Variants in PRUNE2 observed in about 807,000 individuals in gnomAD.
PRUNE2 encodes the protein protein prune homolog 2.
In PRUNE2, 164 loss-of-function variants were observed where a neutral mutation model predicts 252.0. The observed-to-expected ratio is 0.65, with a 90% CI of 0.57 to 0.74. PRUNE2 has a LOEUF of 0.74. Among genes scored for constraint, PRUNE2 ranks in the 30% least tolerant of loss-of-function variants. The probability of loss-of-function intolerance (pLI) is 0.00; values close to 1 mark genes in which losing one functional copy is unlikely to be tolerated. For synonymous variants in PRUNE2, 1,292 were observed against 1,350.2 expected, an observed-to-expected ratio of 0.96 and a Z score of 0.94; for missense variants, 3,495 against 3,711.0, an observed-to-expected ratio of 0.94 and a Z score of 1.51.
chr9:76,776,511 CTTTTTTCTTTTTTTTTTT>C (rs933511872), intron 6 of PRUNE2, among the ~76,000 whole-genome samples: 2 of 134,872 alleles, frequency 1.5e-5, no homozygotes, highest in African/African-American at 5.5e-5. Flanking sequence ...TTTTTTTTTT[CTTTTTTCTTTTTTTTTTT>C]TTTTTGAGAT....
In PRUNE2 at chr9:76,767,366, G is replaced by A. The variant is rs546264835; in HGVS notation, c.757-53645C>T. Among the ~76,000 whole-genome samples, 16 of 152,034 alleles carry A rather than the reference G, an allele frequency of 1.1e-4. No individual in the cohort carries two copies. In the East Asian group the frequency reaches 1.9e-3, roughly 18 times the overall value. On this transcript the variant is annotated intron_variant, in intron 6 of 18. Coordinates refer to ENST00000376718, the MANE Select transcript of PRUNE2 (RefSeq NM_015225.3). ...CTCGAGAGGCCGAGGCAGGAGAATA[G>A]CTTGAACTCGGGAGGCAGAGGTTGC...
chr9:76,810,116 G>A (rs976139068), intron 6 of PRUNE2, among the ~76,000 whole-genome samples: 1 of 152,232 alleles, frequency 6.6e-6, no homozygotes, highest in Admixed American at 6.5e-5. Flanking sequence ...CGCATTTGCA[G>A]AGAAACTGAA....
At chr9:76,803,444 T>G (rs1417701610) in intron 6 of PRUNE2, among the ~76,000 whole-genome samples, 1 of 152,214 alleles carries the variant, frequency 6.6e-6, no homozygotes, top group Non-Finnish European at 1.5e-5. Context: ...TTGGGGCTAA[T>G]TCTTGCCCTG....
At chr9:76,629,146 A>T (rs775914663) in intron 16 of PRUNE2, 46 bp downstream of exon 16, 5 of 1,239,136 alleles carry the variant, frequency 4.0e-6, no homozygotes, top group Non-Finnish European at 4.6e-6. Context: ...CCCAGCCTCA[A>T]ACTAGTACTA....
intron 4 of PRUNE2, among the ~76,000 whole-genome samples, chr9:76,837,880 T>C (rs1224757767): frequency 6.6e-6 from 1 of 151,344 alleles, no homozygotes. Flanking sequence ...CACGCCATTC[T>C]CCTGCCTCAG....
At chr9:76,833,755 A>C (rs947126324) in intron 4 of PRUNE2, among the ~76,000 whole-genome samples, 1 of 150,926 alleles carries the variant, frequency 6.6e-6, no homozygotes, top group Non-Finnish European at 1.5e-5. Context: ...ACAGAGCAAG[A>C]CTCCATAAAA....
At chr9:76,750,032 T>G (rs1245513082) in intron 6 of PRUNE2, among the ~76,000 whole-genome samples, 1 of 152,108 alleles carries the variant, frequency 6.6e-6, no homozygotes, top group African/African-American at 2.4e-5. Context: ...GCTTCCGTGT[T>G]GAAGAACACA....
intron 6 of PRUNE2, chr9:76,737,676 T>C (rs2049198203): frequency 6.6e-6 from 1 of 152,250 alleles, no homozygotes; most frequent in African/African-American, 2.4e-5. Context: ...TACTAAGAGA[T>C]TTCTTTTCTC....
chr9:76,878,250 G>A (rs1055706714), intron 1 of PRUNE2, among the ~76,000 whole-genome samples: 1 of 152,204 alleles, frequency 6.6e-6, no homozygotes, highest in Admixed American at 6.5e-5. Context: ...AAGGAAAAGG[G>A]AAGAGCAGGT....
intron 16 of PRUNE2, among the ~76,000 whole-genome samples, chr9:76,628,224 T>A (rs1486249562): frequency 2.6e-5 from 4 of 152,206 alleles, no homozygotes; most frequent in Non-Finnish European, 4.4e-5. Context: ...TTCTCCGATA[T>A]CCCTGTTTTA....
At position 76,864,570 on chromosome 9, in the gene PRUNE2, A is replaced by G. The variant is rs192626537; in HGVS notation, c.37-10362T>C. Among the ~76,000 whole-genome samples, 6 of 152,342 alleles carry G rather than the reference A, an allele frequency of 3.9e-5. No individual in the cohort carries two copies. In the East Asian group the frequency reaches 9.6e-4, roughly 24 times the overall value. ...TTTTGGTAGGACAATAGCACCAAAAAGAATGATAAAAGGCAAATAACAGAG... is the reference window on the plus strand; with the variant it reads ...TTTTGGTAGGACAATAGCACCAAAAGGAATGATAAAAGGCAAATAACAGAG... On this transcript the variant is annotated intron_variant, in intron 1 of 18. Transcript: ENST00000376718.
In PRUNE2 at chr9:76,629,275, A is replaced by C. The variant is rs781363757; in HGVS notation, c.9066T>G (p.Ser3022Arg). The C allele has an allele frequency of 1.3e-6, 2 of 1,559,038 alleles. No homozygotes were observed. The highest frequency in any genetic ancestry group is 1.7e-6 in the Non-Finnish European group (2 of 1,149,140). The change falls in exon 16 of 19, where the codon AGT (serine) becomes AGG (arginine). Residue 3022 changes from serine to arginine, a missense_variant. Transcript: ENST00000376718. Reference protein sequence around the residue: ...TRPFISSKFSSKIKYVNSLSE... With the variant: ...TRPFISSKFSRKIKYVNSLSE... Reference sequence around the variant, plus strand: ...ATAAGCTATTGACATATTTAATTTTACTGCTGAATTTTGAACTAAAAAAAA... The same window carrying C: ...ATAAGCTATTGACATATTTAATTTTCCTGCTGAATTTTGAACTAAAAAAAA...
At chr9:76,769,454 C>T (rs566234) in intron 6 of PRUNE2, among the ~76,000 whole-genome samples, 43,000 of 152,122 alleles carry the variant, frequency 0.28, 6,930 homozygotes, top group South Asian at 0.41. Context: ...AAGAGTTTCG[C>T]TCTTCTTGCC....
intron 5 of PRUNE2, among the ~76,000 whole-genome samples, chr9:76,824,523 G>A (rs921916059): frequency 1.3e-5 from 2 of 152,206 alleles, no homozygotes; most frequent in Non-Finnish European, 2.9e-5. Flanking sequence ...ATTAATGGGA[G>A]TAATAATCCA....
chr9:76,713,494 G>C, intron 7 of PRUNE2, 69 bp downstream of exon 7: 1 of 1,362,028 alleles, frequency 7.3e-7, no homozygotes, highest in Non-Finnish European at 1.0e-6. Flanking sequence ...GTTCTGTCTT[G>C]CACTGTGTGT....
chr9:76,806,912 C>T (rs572917247), intron 6 of PRUNE2, among the ~76,000 whole-genome samples: 1 of 152,100 alleles, frequency 6.6e-6, no homozygotes, highest in African/African-American at 2.4e-5. Context: ...ATTTCAAAGA[C>T]GGAACACACT....
intron 1 of PRUNE2, among the ~76,000 whole-genome samples, chr9:76,900,445 G>A (rs926388606): frequency 1.3e-5 from 2 of 152,138 alleles, no homozygotes; most frequent in African/African-American, 4.8e-5. Flanking sequence ...AAAGCCACAG[G>A]GCTCAGAAAG....
intron 1 of PRUNE2, among the ~76,000 whole-genome samples, chr9:76,893,015 G>A (rs950171985): frequency 1.6e-4 from 24 of 152,278 alleles, no homozygotes; most frequent in African/African-American, 5.5e-4. Context: ...GATCCTTCAT[G>A]ACAAAGAACA....
intron 6 of PRUNE2, among the ~76,000 whole-genome samples, chr9:76,716,014 T>G (rs2047119739): frequency 6.7e-6 from 1 of 148,176 alleles, no homozygotes; most frequent in Non-Finnish European, 1.5e-5. Context: ...CCAAATACAT[T>G]TATAAACCCT....
Sources: gnomAD v4.1 joint callset for allele counts (sites outside exome capture counted in the v4.1 genomes callset) on GRCh38, gnomAD v4.1.1 for gene constraint, MANE v1.5 for transcripts, NCBI Gene and HGNC (gene_info 2026-07-23, HGNC 2026-07-21) for gene names.